BMPR1A: variants seen among roughly 807,000 people sequenced by gnomAD.
BMPR1A encodes bone morphogenetic protein receptor type-1A.
BMPR1A carries 7 observed loss-of-function variants against 66.0 expected under a neutral mutation model. That is an observed-to-expected ratio of 0.11 (90% CI 0.06 to 0.20). The LOEUF is 0.20. Among genes scored for constraint, BMPR1A ranks in the 10% least tolerant of loss-of-function variants. The pLI is 1.00. For missense variants in BMPR1A, 408 were observed against 669.1 expected, an observed-to-expected ratio of 0.61 and a Z score of 4.31; for synonymous variants, 200 against 229.7, an observed-to-expected ratio of 0.87 and a Z score of 1.17.
chr10:86,853,823 A>T (rs915844053), intron 2 of BMPR1A, among the ~76,000 whole-genome samples: 1 of 152,188 alleles, frequency 6.6e-6, no homozygotes, highest in South Asian at 2.1e-4. Flanking sequence ...TCACAAGGCA[A>T]ATGGAGGCAG....
chr10:86,849,867 C>T (rs1037058181), intron 2 of BMPR1A, among the ~76,000 whole-genome samples: 3 of 152,148 alleles, frequency 2.0e-5, no homozygotes, highest in South Asian at 2.1e-4. Context: ...ATTTTATTAG[C>T]GTTTACCTGT....
chr10:86,884,623 C>A (rs1195725283), intron 3 of BMPR1A, among the ~76,000 whole-genome samples: 3 of 151,662 alleles, frequency 2.0e-5, no homozygotes, highest in Admixed American at 6.6e-5. Flanking sequence ...CCATGTTGGC[C>A]AGACTGGTCT....
intron 1 of BMPR1A, among the ~76,000 whole-genome samples, chr10:86,826,311 T>C (rs1429691136): frequency 6.6e-6 from 1 of 152,102 alleles, no homozygotes; most frequent in Non-Finnish European, 1.5e-5. Context: ...CAGTTCTTTA[T>C]AGATGTTTTA....
chr10:86,902,582 G>A (rs1366443276), intron 7 of BMPR1A, among the ~76,000 whole-genome samples: 1 of 152,116 alleles, frequency 6.6e-6, no homozygotes, highest in Non-Finnish European at 1.5e-5. Context: ...CCAGTGAAAT[G>A]GTCCAGGCAG....
At chr10:86,828,574 T>C (rs1488326745) in intron 1 of BMPR1A, among the ~76,000 whole-genome samples, 1 of 152,208 alleles carries the variant, frequency 6.6e-6, no homozygotes, top group Non-Finnish European at 1.5e-5. Flanking sequence ...TCTGAATTTC[T>C]TTATGTGTTG....
At chr10:86,765,463 G>A (rs548661216) in intron 1 of BMPR1A, among the ~76,000 whole-genome samples, 12 of 121,368 alleles carry the variant, frequency 9.9e-5, no homozygotes, top group South Asian at 2.7e-4. Context: ...CAGCCTGGGC[G>A]ACAGAGTAAG....
At chr10:86,819,186 C>T (rs1008640794) in intron 1 of BMPR1A, among the ~76,000 whole-genome samples, 1 of 152,096 alleles carries the variant, frequency 6.6e-6, no homozygotes, top group Non-Finnish European at 1.5e-5. Context: ...ATTATTGCTA[C>T]TTATTTTTTA....
rs113849804 is a variant in BMPR1A at position 86,923,466 on chromosome 10, G to A, written c.1433G>A (p.Arg478His). 572 of 1,614,098 alleles carry A rather than the reference G, an allele frequency of 3.5e-4. No individual in the cohort carries two copies. Among genetic ancestry groups the A allele is most frequent in the Non-Finnish European group, 4.4e-4 (517 of 1,180,044 alleles). Residue 478 changes from arginine (R) to histidine (H), a missense_variant, in exon 12 of 13, where the codon CGT (arginine) becomes CAT (histidine). Around this residue, in one of 5 missense-constraint regions of BMPR1A, gnomAD observed 130 missense variants for 257.3 expected, o/e 0.51. Coordinates refer to ENST00000372037, the MANE Select transcript of BMPR1A (RefSeq NM_004329.3). ...ATGCGTGAGGTTGTGTGTGTCAAAC[G>A]TTTGCGGCCAATTGTGTCTAATCGG... ...EDMREVVCVKRLRPIVSNRWN... is the reference protein window; with the variant it reads ...EDMREVVCVKHLRPIVSNRWN...
chr10:86,826,114 C>G (rs913026904), intron 1 of BMPR1A, among the ~76,000 whole-genome samples: 2 of 147,952 alleles, frequency 1.4e-5, no homozygotes, highest in Middle Eastern at 3.2e-3. Context: ...TTTTATTCCC[C>G]TGAGCCATTT....
intron 2 of BMPR1A, chr10:86,856,309 G>A: frequency 2.1e-6 from 1 of 475,764 alleles, no homozygotes; most frequent in Non-Finnish European, 4.2e-6. Flanking sequence ...AATGGTGGGA[G>A]CCCTGGCCCT....
chr10:86,823,740 A>C (rs1372903588), intron 1 of BMPR1A, among the ~76,000 whole-genome samples: 2 of 152,202 alleles, frequency 1.3e-5, no homozygotes, highest in Non-Finnish European at 2.9e-5. Context: ...CAGACCCTCC[A>C]TGGGGCCATG....
chr10:86,874,709 C>CTT (rs200991488), intron 2 of BMPR1A, among the ~76,000 whole-genome samples: 2,419 of 92,302 alleles, frequency 0.026, 291 homozygotes, highest in Non-Finnish European at 0.031. Flanking sequence ...ACCCGACCTT[C>CTT]TTTTTTTTTT....
At chr10:86,829,026 C>T (rs1051941542) in intron 1 of BMPR1A, among the ~76,000 whole-genome samples, 2 of 152,128 alleles carry the variant, frequency 1.3e-5, no homozygotes, top group Non-Finnish European at 2.9e-5. Flanking sequence ...TGGCACTCCC[C>T]TCGGAATTGC....
chr10:86,929,126 T>C (rs962541879), downstream of BMPR1A: 2 of 152,130 alleles, frequency 1.3e-5, no homozygotes, highest in African/African-American at 4.8e-5. Context: ...TTTTGAAAAA[T>C]AGATATTAAG....
At chr10:86,858,551 C>G (rs1842675051) in intron 2 of BMPR1A, among the ~76,000 whole-genome samples, 1 of 152,134 alleles carries the variant, frequency 6.6e-6, no homozygotes, top group Non-Finnish European at 1.5e-5. Context: ...ACCCTAAAAA[C>G]TTCACCATAA....
At chr10:86,793,126 CAT>C (rs1316672552) in intron 1 of BMPR1A, among the ~76,000 whole-genome samples, 17 of 148,958 alleles carry the variant, frequency 1.1e-4, no homozygotes, top group Admixed American at 1.1e-3. Context: ...CCCACACACA[CAT>C]GGTGGTGTGG....
intron 1 of BMPR1A, among the ~76,000 whole-genome samples, chr10:86,819,283 A>G (rs1028970894): frequency 6.6e-6 from 1 of 152,120 alleles, no homozygotes; most frequent in Non-Finnish European, 1.5e-5. Context: ...AAACTTTTCA[A>G]TTATACAGAA....
At position 86,914,207 on chromosome 10, in the gene BMPR1A, T is replaced by C. The variant is rs914685581; in HGVS notation, c.675+1823T>C. On this transcript the variant is annotated intron_variant, in intron 8 of 12. Coordinates refer to ENST00000372037, the MANE Select transcript of BMPR1A (RefSeq NM_004329.3). ...TGGTGCAGGAAATATCAGGAATCCA[T>C]TTACCAAGAAGTTAATCTCAGTCCT... 2.6e-5 allele frequency among the ~76,000 whole-genome samples: 4 copies of C among 152,058 alleles called. No homozygotes were observed. In the East Asian group the frequency reaches 7.7e-4, roughly 29 times the overall value.
chr10:86,813,809 C>CGA (rs375379319), intron 1 of BMPR1A, among the ~76,000 whole-genome samples: 46 of 152,278 alleles, frequency 3.0e-4, no homozygotes, highest in African/African-American at 1.1e-3. Flanking sequence ...CAGTATCCCT[C>CGA]TATCTACATG....
Sources: allele counts gnomAD v4.1 joint callset (sites outside exome capture counted in the v4.1 genomes callset), GRCh38; gene constraint gnomAD v4.1.1; regional missense constraint gnomAD v4.1.1; transcripts MANE v1.5; gene names NCBI Gene and HGNC (gene_info 2026-07-23, HGNC 2026-07-21).